CHD6: variants seen among roughly 807,000 people sequenced by gnomAD.
CHD6 encodes ATP-dependent chromatin remodeler CHD6.
CHD6 carries 50 observed loss-of-function variants against 276.9 expected under a neutral mutation model. That is an observed-to-expected ratio of 0.18 (90% CI 0.14 to 0.23). The LOEUF is 0.23. CHD6 is among the 10% of genes least tolerant of loss of function. The probability of loss-of-function intolerance (pLI) is 1.00; values close to 1 mark genes in which losing one functional copy is unlikely to be tolerated. For synonymous variants in CHD6, 1,173 were observed against 1,229.3 expected (o/e 0.95, Z 0.96); for missense variants, 2,564 against 3,365.8 (o/e 0.76, Z 5.89).
chr20:41,608,927 G>A (rs1240000593), intron 1 of CHD6, among the ~76,000 whole-genome samples: 1 of 152,188 alleles, frequency 6.6e-6, no homozygotes, highest in Non-Finnish European at 1.5e-5. Context: ...CAGACACAAA[G>A]TGCAGATAAA....
chr20:41,597,266 C>T (rs527879564), intron 1 of CHD6, among the ~76,000 whole-genome samples: 68 of 152,136 alleles, frequency 4.5e-4, no homozygotes, highest in African/African-American at 1.5e-3. Flanking sequence ...AGAGGTGGGA[C>T]GTAAATCCGA....
At chr20:41,516,355 G>A (rs1456258077) in intron 3 of CHD6, among the ~76,000 whole-genome samples, 1 of 152,050 alleles carries the variant, frequency 6.6e-6, no homozygotes, top group Non-Finnish European at 1.5e-5. Flanking sequence ...AGTATTTTTA[G>A]TAGAGATGGG....
chr20:41,498,650 G>A (rs532871220), intron 6 of CHD6, among the ~76,000 whole-genome samples: 6 of 152,178 alleles, frequency 3.9e-5, no homozygotes, highest in African/African-American at 9.6e-5. Flanking sequence ...AGATGAAGCC[G>A]TGCTCTCACC....
rs1013465683 is a variant in CHD6 at position 41,403,447 on chromosome 20, T to C, written c.*1146A>G. On this transcript the variant is annotated 3_prime_UTR_variant, in exon 37 of 37. Transcript: ENST00000373233. ...AGGAAGAAGAGAAAATAATGTTGAC[T>C]TGCAATGTAGTTTCGATTAACTGAT... 11 of 1,062,116 alleles carry C rather than the reference T, an allele frequency of 1.0e-5. No homozygotes were observed. Among genetic ancestry groups the C allele is most frequent in the Non-Finnish European group, 9.1e-6 (8 of 877,386 alleles). The allele number at this position is 1,062,116 out of a possible 1,614,324, so 65.8% of individuals were successfully genotyped here. A position where few individuals can be genotyped will look rare whatever the true frequency, so the allele number is the denominator to read the frequency against.
At chr20:41,468,403 C>T (rs1205495340) in intron 17 of CHD6, among the ~76,000 whole-genome samples, 2 of 152,186 alleles carry the variant, frequency 1.3e-5, no homozygotes, top group African/African-American at 4.8e-5. Context: ...AGCCACCGCG[C>T]CCAGCCCCAA....
At position 41,453,003 on chromosome 20, in the gene CHD6, A is replaced by G. The variant is rs956298222; in HGVS notation, c.3121-61T>C. The G allele has an allele frequency of 4.9e-5, 65 of 1,331,462 alleles. No individual in the cohort carries two copies. In the Admixed American group the frequency reaches 5.2e-4, roughly 11 times the overall value. The allele number at this position is 1,331,462 out of a possible 1,614,324, so 82.5% of individuals were successfully genotyped here. On this transcript the variant is annotated intron_variant, in intron 20 of 36. Coordinates refer to ENST00000373233, the MANE Select transcript of CHD6 (RefSeq NM_032221.5). ...CTTTTCTCTACTCCTTTCACAAAGC[A>G]TAAGTGTATCCTCAGGACACATTTG...
At chr20:41,555,277 C>G (rs1261345817) in intron 1 of CHD6, among the ~76,000 whole-genome samples, 1 of 143,118 alleles carries the variant, frequency 7.0e-6, no homozygotes. Flanking sequence ...GCTGGCCGGG[C>G]AGAGGGGCTC....
At chr20:41,476,745 G>A (rs983950420) in intron 16 of CHD6, among the ~76,000 whole-genome samples, 4 of 151,408 alleles carry the variant, frequency 2.6e-5, no homozygotes, top group Non-Finnish European at 2.9e-5. Flanking sequence ...GTTAAGTGTA[G>A]TGAAAAGCAT....
At chr20:41,471,972 A>G (rs1208435293) in intron 17 of CHD6, among the ~76,000 whole-genome samples, 5 of 151,978 alleles carry the variant, frequency 3.3e-5, no homozygotes, top group African/African-American at 1.2e-4. Context: ...AGTGGCTGAC[A>G]CCTCTAATCC....
intron 36 of CHD6, among the ~76,000 whole-genome samples, chr20:41,405,975 T>C (rs914187108): frequency 6.6e-6 from 1 of 152,130 alleles, no homozygotes; most frequent in South Asian, 2.1e-4. Flanking sequence ...GACTGCAACC[T>C]CCTAGCTGTG....
chr20:41,596,671 C>T (rs76492551), intron 1 of CHD6, among the ~76,000 whole-genome samples: 2,218 of 151,526 alleles, frequency 0.015, 51 homozygotes, highest in African/African-American at 0.051. Flanking sequence ...AAGTATTTCC[C>T]GAGCATTTAA....
chr20:41,421,553 A>C lies in CHD6; in HGVS notation c.5082T>G (p.His1694Gln), dbSNP rs2047193127. Residue 1694 changes from histidine to glutamine, a missense_variant, in exon 31 of 37, where the codon CAT (histidine) becomes CAG (glutamine). Around this residue, in one of 7 missense-constraint regions of CHD6, gnomAD observed 1,024 missense variants for 1,047.9 expected, o/e 0.98. Coordinates refer to ENST00000373233, the MANE Select transcript of CHD6 (RefSeq NM_032221.5). The stretch of plus-strand genomic sequence containing the variant: ...AGGACTCAGGCAGCAGACTTTCATC[A>C]TGGTTGATGGAAATGACATCCTGAA... ...SKVQDVISIN[H>Q]DESLLPESLE... The C allele has an allele frequency of 1.9e-6, 3 of 1,612,984 alleles. No homozygotes were observed. The East Asian group carries it at 6.7e-5, about 36-fold the overall frequency.
chr20:41,410,653 A>G (rs2046815320), intron 36 of CHD6, among the ~76,000 whole-genome samples: 1 of 152,204 alleles, frequency 6.6e-6, no homozygotes, highest in Non-Finnish European at 1.5e-5. Context: ...TTAATAAAAG[A>G]GGCTAACACA....
At chr20:41,523,657 T>G (rs552450157) in intron 3 of CHD6, among the ~76,000 whole-genome samples, 19 of 152,066 alleles carry the variant, frequency 1.2e-4, no homozygotes, top group African/African-American at 2.4e-4. Flanking sequence ...TTTGTTTTTT[T>G]TTTTGCTTTC....
At chr20:41,524,498 T>C (rs570867619) in intron 3 of CHD6, among the ~76,000 whole-genome samples, 1 of 152,272 alleles carries the variant, frequency 6.6e-6, no homozygotes, top group African/African-American at 2.4e-5. Flanking sequence ...TTTTACCAAG[T>C]AGTCCTATCA....
intron 16 of CHD6, among the ~76,000 whole-genome samples, chr20:41,477,098 G>C (rs1321177079): frequency 6.6e-6 from 1 of 152,006 alleles, no homozygotes; most frequent in East Asian, 1.9e-4. Flanking sequence ...AATCAGACAG[G>C]CATGGTGGCC....
At chr20:41,563,658 TAAG>T (rs2146191143) in intron 1 of CHD6, among the ~76,000 whole-genome samples, 1 of 152,340 alleles carries the variant, frequency 6.6e-6, no homozygotes, top group South Asian at 2.1e-4. Flanking sequence ...TAATTACTAT[TAAG>T]AAGAACAGTA....
chr20:41,443,941 G>A (rs749384804), intron 25 of CHD6, among the ~76,000 whole-genome samples: 1 of 152,166 alleles, frequency 6.6e-6, no homozygotes, highest in Non-Finnish European at 1.5e-5. Flanking sequence ...GTGTTGGGGT[G>A]GGGGAGGAAG....
chr20:41,551,498 C>T (rs975996144), intron 1 of CHD6, 138 bp from the exon 2 acceptor site: 118 of 557,492 alleles, frequency 2.1e-4, no homozygotes, highest in Non-Finnish European at 3.2e-4. Flanking sequence ...CAACAACCTC[C>T]AGAGCCGTAA....
Sources: gnomAD v4.1 joint callset for allele counts (sites outside exome capture counted in the v4.1 genomes callset) on GRCh38, gnomAD v4.1.1 for gene constraint, gnomAD v4.1.1 regional missense constraint, MANE v1.5 for transcripts, NCBI Gene and HGNC (gene_info 2026-07-23, HGNC 2026-07-21) for gene names.